AARS2: variants seen among roughly 807,000 people sequenced by gnomAD.
The protein encoded by AARS2 is alanine--tRNA ligase, mitochondrial.
In AARS2, 78 loss-of-function variants were observed where a neutral mutation model predicts 119.7. The observed-to-expected ratio is 0.65, with a 90% CI of 0.54 to 0.79. The LOEUF is 0.79. AARS2 is among the 30% of genes least tolerant of loss of function. AARS2 has a pLI of 0.00. For synonymous variants in AARS2, 502 were observed against 526.3 expected, an observed-to-expected ratio of 0.95 and a Z score of 0.63; for missense variants, 1,157 against 1,291.3, an observed-to-expected ratio of 0.90 and a Z score of 1.59.
In AARS2 at chr6:44,304,659, G is replaced by C. The variant is rs369566535; in HGVS notation, c.1738C>G (p.Arg580Gly). The stretch of plus-strand genomic sequence containing the variant: ...TGGAGACTCACCTCTTGCCCTGCCC[G>C]CACCAGGTAGCCACGGTCTGAAGCC... ...GQASDRGYLV[R>G]AGQEDVLFPV... Residue 580 changes from arginine to glycine, a missense_variant, in exon 12 of 22, where the codon CGG (arginine) becomes GGG (glycine). Coordinates refer to ENST00000244571, the MANE Select transcript of AARS2 (RefSeq NM_020745.4). The C allele has an allele frequency of 1.9e-5, 31 of 1,614,092 alleles. No homozygotes were observed. Among genetic ancestry groups the C allele is most frequent in the Non-Finnish European group, 2.5e-5 (29 of 1,180,050 alleles).
rs1408885292 is a variant in AARS2 at position 44,307,399 on chromosome 6, GA to G, written c.895-6del. On this transcript the variant is annotated splice_polypyrimidine_tract_variant and splice_region_variant and intron_variant, in intron 5 of 21. Transcript: ENST00000244571. The surrounding 1 kb of genome is among the most constrained non-coding windows in gnomAD (Gnocchi z 4.4). ...GTAAGGGGGTGCCCTGCAGCCCTGG[GA>G]AGCAGAAGAGTCAGCCAGTGGCCCT... The G allele has an allele frequency of 6.3e-7, 1 of 1,597,892 alleles. No individual in the cohort carries two copies. Among genetic ancestry groups the G allele is most frequent in the African/African-American group, 1.3e-5 (1 of 74,786 alleles).
At position 44,304,519 on chromosome 6, in the gene AARS2, T is replaced by C; in HGVS notation, c.1767A>G (p.Pro589=). 6.2e-7 allele frequency: 1 copy of C among 1,614,146 alleles called. No homozygotes were observed. The highest frequency in any genetic ancestry group is 8.5e-7 in the Non-Finnish European group (1 of 1,180,022). The change falls in exon 13 of 22, where the codon CCA becomes CCG. Residue 589 remains proline (P), a synonymous_variant. Coordinates refer to ENST00000244571, the MANE Select transcript of AARS2 (RefSeq NM_020745.4). The part of the protein sequence containing the change: ...VRAGQEDVLF[P]VARAQVCGGF... Reference sequence around the variant, plus strand: ...CTCCACAGACCTGGGCCCGGGCTACTGGGAACAGCACGTCCTGAGGGAGGG... The same window carrying C: ...CTCCACAGACCTGGGCCCGGGCTACCGGGAACAGCACGTCCTGAGGGAGGG...
rs74964556 is a variant in AARS2, at chr6:44,304,587, C to A, written c.1753-54G>T. The A allele has an allele frequency of 0.047, 75,238 of 1,614,110 alleles. 2,618 individuals carry two copies. Among genetic ancestry groups the A allele is most frequent in the East Asian group, 0.2 (9,077 of 44,870 alleles). On this transcript the variant is annotated intron_variant, in intron 12 of 21. Coordinates refer to ENST00000244571, the MANE Select transcript of AARS2 (RefSeq NM_020745.4). ...GTAGCCTTTCCCTCCCCTTGGCTCC[C>A]ACTCAGGCTTGGGTCTGCCGCCCAC... is the stretch of plus-strand genomic sequence containing the variant.
chr6:44,300,267 C>T lies in AARS2; in HGVS notation c.*280G>A. 1 of 496,684 alleles carries T rather than the reference C, an allele frequency of 2.0e-6. No individual in the cohort carries two copies. Among genetic ancestry groups the T allele is most frequent in the Middle Eastern group, 5.8e-4 (1 of 1,736 alleles). 30.8% of individuals were successfully genotyped at this position (496,684 alleles called of 1,614,324 possible). A position where few individuals can be genotyped will look rare whatever the true frequency, so the allele number is the denominator to read the frequency against. The stretch of plus-strand genomic sequence containing the variant: ...GTGCTTGGATTACAGGTGTGAACCA[C>T]CACACCCGGCCAGTGAAATAATTTC... On this transcript the variant is annotated 3_prime_UTR_variant, in exon 22 of 22. Transcript: ENST00000244571.
chr6:44,298,928 G>C lies in AARS2; in HGVS notation c.*1619C>G, dbSNP rs1785135994. On this transcript the variant is annotated 3_prime_UTR_variant, in exon 22 of 22. Transcript: ENST00000244571. ...CTCCATCTCTGCTTCCTCCTGCTTT[G>C]AAGTGCCAATTTTCAGCTTCAGCTC... Among the ~76,000 whole-genome samples the C allele has an allele frequency of 6.6e-6, 1 of 152,078 alleles. No homozygotes were observed. The highest frequency in any genetic ancestry group is 2.1e-4 in the South Asian group (1 of 4,830).
At chr6:44,303,249 G>A (rs1368394324) in intron 15 of AARS2, 37 bp downstream of exon 15, 5 of 1,613,936 alleles carry the variant, frequency 3.1e-6, no homozygotes, top group Non-Finnish European at 3.4e-6. Flanking sequence ...CCTGAAGGAG[G>A]CCCCCGATCT....
In AARS2 at chr6:44,304,536, G is replaced by A. The variant is rs1055504295; in HGVS notation, c.1753-3C>T. 6 of 1,614,152 alleles carry A rather than the reference G, an allele frequency of 3.7e-6. No individual in the cohort carries two copies. The highest frequency in any genetic ancestry group is 1.6e-4 in the Middle Eastern group (1 of 6,062). On this transcript the variant is annotated splice_region_variant and splice_polypyrimidine_tract_variant and intron_variant, in intron 12 of 21. Transcript: ENST00000244571. ...CGGGCTACTGGGAACAGCACGTCCT[G>A]AGGGAGGGTAGTGGTCAAGGTGCCT... is the stretch of plus-strand genomic sequence containing the variant.
intron 21 of AARS2, 44 bp downstream of exon 21, chr6:44,301,112 T>A: frequency 6.5e-7 from 1 of 1,527,490 alleles, no homozygotes; most frequent in South Asian, 1.1e-5. Flanking sequence ...TGGACCAGGA[T>A]GGGTATTAAT....
intron 5 of AARS2, among the ~76,000 whole-genome samples, chr6:44,309,250 G>A (rs1421976729): frequency 6.6e-6 from 1 of 152,182 alleles, no homozygotes; most frequent in Non-Finnish European, 1.5e-5. Flanking sequence ...ACATGGTCCA[G>A]TCACCCCTAC....
At position 44,304,468 on chromosome 6, in the gene AARS2, G is replaced by C. The variant is rs1420987096; in HGVS notation, c.1818C>G (p.Ala606=). Residue 606 remains alanine, a synonymous_variant, in exon 13 of 22, where the codon GCC becomes GCG. Coordinates refer to ENST00000244571, the MANE Select transcript of AARS2 (RefSeq NM_020745.4). ...CGGFILHEAV[A]PECLRLGDQV... ...GGTCCCCTAACCGCAGGCACTCAGG[G>C]GCTACTGCCTCATGCAGGATGAAAC... 1.9e-6 allele frequency: 3 copies of C among 1,614,156 alleles called. No homozygotes were observed. Among genetic ancestry groups the C allele is most frequent in the Non-Finnish European group, 2.5e-6 (3 of 1,180,022 alleles).
At position 44,305,292 on chromosome 6, in the gene AARS2, G is replaced by C. The variant is rs192949806; in HGVS notation, c.1435-94C>G. ...CGCAGGGCCCTGTCCCTGCCACACA[G>C]CTGTGGACTCTGCAGCCCTTCTGGA... is the stretch of plus-strand genomic sequence containing the variant. On this transcript the variant is annotated intron_variant, in intron 10 of 21. Transcript: ENST00000244571. This position sits in a 1 kb window ranked among gnomAD's most constrained non-coding sequence, Gnocchi z 4.6. The C allele has an allele frequency of 7.7e-6, 12 of 1,556,814 alleles. No homozygotes were observed. In the Admixed American group the frequency reaches 1.0e-4, roughly 13 times the overall value.
chr6:44,310,532 G>C (rs561738223), intron 4 of AARS2, 89 bp from the exon 5 acceptor site: 16 of 1,535,054 alleles, frequency 1.0e-5, no homozygotes, highest in African/African-American at 2.7e-5. Context: ...ATGGGGGGGG[G>C]CCCAAGGGAG....
intron 1 of AARS2, 23 bp downstream of exon 1, chr6:44,313,058 T>C (rs1246917779): frequency 4.3e-6 from 7 of 1,612,368 alleles, no homozygotes; most frequent in Middle Eastern, 1.6e-4. Flanking sequence ...CTCCGCTCCC[T>C]ATCAGTATGG....
chr6:44,304,487 A>G lies in AARS2; in HGVS notation c.1799T>C (p.Ile600Thr), dbSNP rs986498721. The G allele has an allele frequency of 1.2e-6, 2 of 1,614,030 alleles. No individual in the cohort carries two copies. The highest frequency in any genetic ancestry group is 1.7e-6 in the Non-Finnish European group (2 of 1,180,020). ...CTCAGGGGCTACTGCCTCATGCAGG[A>G]TGAAACCTCCACAGACCTGGGCCCG... ...VARAQVCGGF[I>T]LHEAVAPECL... is the part of the protein sequence containing the mutation. Residue 600 changes from isoleucine (I) to threonine (T), a missense_variant, in exon 13 of 22, where the codon ATC becomes ACC. Transcript: ENST00000244571.
Position 44,305,157 on chromosome 6 carries a change from C to T in AARS2, c.1476G>A (p.Leu492=). The T allele has an allele frequency of 1.2e-6, 2 of 1,613,630 alleles. No homozygotes were observed. The highest frequency in any genetic ancestry group is 1.7e-6 in the Non-Finnish European group (2 of 1,180,036). ...CCCCAAGCGCATGGACATCAAGCCACAATCCCTGCTTCTGAACTGGCTCAG... is the reference window on the plus strand; with the variant it reads ...CCCCAAGCGCATGGACATCAAGCCATAATCCCTGCTTCTGAACTGGCTCAG... The part of the protein sequence containing the change: ...RQAEPVQKQG[L]WLDVHALGEL... Residue 492 remains leucine, a synonymous_variant, in exon 11 of 22, where the codon TTG becomes TTA. Coordinates refer to ENST00000244571, the MANE Select transcript of AARS2 (RefSeq NM_020745.4). This position sits in a 1 kb window ranked among gnomAD's most constrained non-coding sequence, Gnocchi z 4.6.
chr6:44,300,402 G>T lies in AARS2; in HGVS notation c.*145C>A. On this transcript the variant is annotated 3_prime_UTR_variant, in exon 22 of 22. Transcript: ENST00000244571. ...AGCCCATGTCTCCTTGTGTCACGTA[G>T]GCCCTGGCCCAGGTGATCTTCTTTG... 8.5e-7 allele frequency: 1 copy of T among 1,174,988 alleles called. No homozygotes were observed. The highest frequency in any genetic ancestry group is 1.3e-5 in the South Asian group (1 of 78,852). The allele number at this position is 1,174,988 out of a possible 1,614,324, so 72.8% of individuals were successfully genotyped here.
rs1278108383 is a variant in AARS2 at position 44,305,318 on chromosome 6, A to G, written c.1435-120T>C. The G allele has an allele frequency of 1.1e-5, 16 of 1,477,214 alleles. No homozygotes were observed. The highest frequency in any genetic ancestry group is 1.2e-5 in the South Asian group (1 of 86,544). 91.5% of individuals were successfully genotyped at this position (1,477,214 alleles called of 1,614,324 possible). A position where few individuals can be genotyped will look rare whatever the true frequency, so the allele number is the denominator to read the frequency against. The stretch of plus-strand genomic sequence containing the variant: ...CTGTGGACTCTGCAGCCCTTCTGGA[A>G]TAAGAACTCAGGGCTTGGCTGGCTG... On this transcript the variant is annotated intron_variant, in intron 10 of 21. Transcript: ENST00000244571. The surrounding 1 kb of genome is among the most constrained non-coding windows in gnomAD (Gnocchi z 4.6).
rs1160559480 is a variant in AARS2, at chr6:44,305,692, G to A, written c.1395C>T (p.Asp465=). ...GGGCCAACCGCTCCAGTCCAGCGGA[G>A]TCTAGCTGGACCCCTTTCTCCTCCA... ...LMLEEKGVQL[D]SAGLERLAQE... The change falls in exon 10 of 22, where the codon GAC becomes GAT. Residue 465 remains aspartate, a synonymous_variant. Transcript: ENST00000244571. This position sits in a 1 kb window ranked among gnomAD's most constrained non-coding sequence, Gnocchi z 4.6. 1.9e-6 allele frequency: 3 copies of A among 1,614,186 alleles called. No individual in the cohort carries two copies. Among genetic ancestry groups the A allele is most frequent in the Non-Finnish European group, 2.5e-6 (3 of 1,180,038 alleles).
In AARS2 at chr6:44,300,240, A is replaced by C; in HGVS notation, c.*307T>G. The C allele has an allele frequency of 2.3e-6, 1 of 426,708 alleles. No individual in the cohort carries two copies. The highest frequency in any genetic ancestry group is 3.6e-5 in the Admixed American group (1 of 27,976). The allele number at this position is 426,708 out of a possible 1,614,324, so 26.4% of individuals were successfully genotyped here. ...ATGATCTACCTGCCTCGGCCTCCCA[A>C]AGTGCTTGGATTACAGGTGTGAACC... On this transcript the variant is annotated 3_prime_UTR_variant, in exon 22 of 22. Transcript: ENST00000244571.
Sources: gnomAD v4.1 joint callset for allele counts (sites outside exome capture counted in the v4.1 genomes callset) on GRCh38, gnomAD v4.1.1 for gene constraint, Gnocchi (gnomAD v3.1) non-coding constraint, MANE v1.5 for transcripts, NCBI Gene and HGNC (gene_info 2026-07-23, HGNC 2026-07-21) for gene names.